Variants in MMP19 observed in about 807,000 individuals in gnomAD.
The protein encoded by MMP19 is matrix metallopeptidase 19, also known as matrix metalloproteinase-19.
A neutral mutation model predicts 46.6 loss-of-function variants in MMP19; 47 were observed. The ratio of observed to expected loss-of-function variants is 1.01; its 90% CI spans 0.80 to 1.29. The LOEUF (loss-of-function observed/expected upper bound fraction) is 1.29. MMP19 is among the 50% of genes most tolerant of loss of function. The probability of loss-of-function intolerance (pLI) is 0.00; values close to 1 mark genes in which losing one functional copy is unlikely to be tolerated. For synonymous variants in MMP19, 222 were observed against 248.5 expected (o/e 0.89, Z 1.00); for missense variants, 589 against 643.5 (o/e 0.92, Z 0.92).
At chr12:55,839,910 G>C (rs1881561671) in intron 4 of MMP19, 169 bp from the exon 5 acceptor site, 3 of 908,046 alleles carry the variant, frequency 3.3e-6, no homozygotes, top group Non-Finnish European at 3.2e-6. Flanking sequence ...TCATCACCCA[G>C]TTCTCTCAGG....
chr12:55,841,925 G>A (rs1168652184), intron 2 of MMP19, among the ~76,000 whole-genome samples: 1 of 152,086 alleles, frequency 6.6e-6, no homozygotes, highest in Non-Finnish European at 1.5e-5. Flanking sequence ...CTTTTCAAGG[G>A]ACCTGAACAT....
intron 6 of MMP19, 106 bp downstream of exon 6, chr12:55,838,500 C>T (rs1187917433): frequency 6.2e-7 from 1 of 1,608,452 alleles, no homozygotes; most frequent in South Asian, 1.1e-5. Flanking sequence ...GGGGTCTAAC[C>T]TCCATTGCTC....
Position 55,838,706 on chromosome 12 carries a change from C to G in MMP19, c.795G>C (p.Glu265Asp). 2.5e-6 allele frequency: 4 copies of G among 1,608,800 alleles called. No homozygotes were observed. The highest frequency in any genetic ancestry group is 3.4e-6 in the Non-Finnish European group (4 of 1,176,860). Residue 265 changes from glutamate to aspartate, a missense_variant, in exon 6 of 9, where the codon GAG (glutamate) becomes GAC (aspartate). Coordinates refer to ENST00000322569, the MANE Select transcript of MMP19 (RefSeq NM_002429.6). ...YGKKSPVIRD[E>D]EEEETELPTV... ...TGGGCAGCTCTGTCTCTTCTTCTTC[C>G]TCATCCCTTATCACTGGACTCTTCT...
chr12:55,836,826 T>C lies in MMP19; in HGVS notation c.*210A>G. 1 of 475,240 alleles carries C rather than the reference T, an allele frequency of 2.1e-6. No homozygotes were observed. The highest frequency in any genetic ancestry group is 3.7e-6 in the Non-Finnish European group (1 of 270,620). 29.4% of individuals were successfully genotyped at this position (475,240 alleles called of 1,614,324 possible). A position where few individuals can be genotyped will look rare whatever the true frequency, so the allele number is the denominator to read the frequency against. ...GAGTTAGGGGAGCACTTCTCAGGAG[T>C]GAAAATGCACAGGAAAGTGGTGGCT... On this transcript the variant is annotated 3_prime_UTR_variant, in exon 9 of 9. Coordinates refer to ENST00000322569, the MANE Select transcript of MMP19 (RefSeq NM_002429.6).
At position 55,842,233 on chromosome 12, in the gene MMP19, T is replaced by C. The variant is rs1881746561; in HGVS notation, c.173+120A>G. Reference sequence around the variant, plus strand: ...CCACCATAATAATGATCGCCACCCATCTCTAAATCCCTGGCATGGTTTAGG... The same window carrying C: ...CCACCATAATAATGATCGCCACCCACCTCTAAATCCCTGGCATGGTTTAGG... On this transcript the variant is annotated intron_variant, in intron 2 of 8. Transcript: ENST00000322569. The C allele has an allele frequency of 3.9e-6, 3 of 773,930 alleles. No homozygotes were observed. The South Asian group carries it at 4.7e-5, about 12-fold the overall frequency. The allele number at this position is 773,930 out of a possible 1,614,324, so 47.9% of individuals were successfully genotyped here. A position where few individuals can be genotyped will look rare whatever the true frequency, so the allele number is the denominator to read the frequency against.
rs1555177201 is a variant in MMP19, at chr12:55,841,542, C to CCTTCCTTT, written c.174-307_174-306insAAAGGAAG. 7.2e-4 allele frequency: 188 copies of CCTTCCTTT among 262,544 alleles called. 2 individuals are homozygous for CCTTCCTTT. The highest frequency in any genetic ancestry group is 4.0e-3 in the African/African-American group (182 of 45,736). The allele number at this position is 262,544 out of a possible 1,614,324, so 16.3% of individuals were successfully genotyped here. A position where few individuals can be genotyped will look rare whatever the true frequency, so the allele number is the denominator to read the frequency against. Reference sequence around the variant, plus strand: ...TCCTTCCTTCCTTCCTTCCTTCCTTCCTTCCTTCCTTCCTTTCTTTTTCTT... The same window carrying CCTTCCTTT: ...TCCTTCCTTCCTTCCTTCCTTCCTTCCTTCCTTTCTTCCTTCCTTCCTTTCTTTTTCTT... On this transcript the variant is annotated intron_variant, in intron 2 of 8. Coordinates refer to ENST00000322569, the MANE Select transcript of MMP19 (RefSeq NM_002429.6).
intron 2 of MMP19, among the ~76,000 whole-genome samples, chr12:55,842,021 A>G (rs1436600328): frequency 1.3e-5 from 2 of 152,264 alleles, no homozygotes; most frequent in Admixed American, 6.5e-5. Context: ...TTGAAGGCCC[A>G]CAAAAGGTAA....
Position 55,839,584 on chromosome 12 carries a change from G to A in MMP19, c.678C>T (p.Ser226=). The A allele has an allele frequency of 6.2e-7, 1 of 1,614,220 alleles. No individual in the cohort carries two copies. Among genetic ancestry groups the A allele is most frequent in the South Asian group, 1.1e-5 (1 of 91,088 alleles). The stretch of plus-strand genomic sequence containing the variant: ...CGTAGACTGGGGCCATGAGGGCCTG[G>A]GAATATCGGGAGTGCCCAAGCCCCA... ...HALGLGHSRY[S]QALMAPVYEG... is the part of the protein sequence containing the mutation. The change falls in exon 5 of 9, where the codon TCC becomes TCT. Residue 226 remains serine, a synonymous_variant. Coordinates refer to ENST00000322569, the MANE Select transcript of MMP19 (RefSeq NM_002429.6).
At chr12:55,840,641 G>A in intron 4 of MMP19, 26 bp downstream of exon 4, 1 of 1,600,872 alleles carries the variant, frequency 6.2e-7, no homozygotes, top group Non-Finnish European at 8.5e-7. Flanking sequence ...AGGTCTATGA[G>A]GTGGGAACTG....
intron 2 of MMP19, among the ~76,000 whole-genome samples, chr12:55,841,910 A>G (rs920895038): frequency 6.6e-6 from 1 of 152,212 alleles, no homozygotes; most frequent in African/African-American, 2.4e-5. Flanking sequence ...CATAGGGCCT[A>G]GGGGCTTTTC....
In MMP19 at chr12:55,838,572, C is replaced by A. The variant is rs769713187; in HGVS notation, c.895+34G>T. 1.2e-5 allele frequency: 19 copies of A among 1,613,978 alleles called. 1 individual carries two copies. In the South Asian group the frequency reaches 2.1e-4, roughly 18 times the overall value. On this transcript the variant is annotated intron_variant, in intron 6 of 8. Transcript: ENST00000322569. ...CTCAGGATCAGCAGGCTGCCCCCAC[C>A]GCCTGCCAACAGCCTGGAGGGGAGG...
In MMP19 at chr12:55,841,051, C is replaced by T. The variant is rs201744129; in HGVS notation, c.304+55G>A. 3,660 of 1,596,320 alleles carry T rather than the reference C, an allele frequency of 2.3e-3. 12 individuals carry two copies. Among genetic ancestry groups the T allele is most frequent in the Non-Finnish European group, 2.7e-3 (3,135 of 1,167,984 alleles). ...CCAGACTGTCCTAATGCCACCCACA[C>T]GCCAGAACCACATCACCCCCTCCTC... On this transcript the variant is annotated intron_variant, in intron 3 of 8. Coordinates refer to ENST00000322569, the MANE Select transcript of MMP19 (RefSeq NM_002429.6).
intron 6 of MMP19, 80 bp downstream of exon 6, chr12:55,838,526 G>T: frequency 3.1e-6 from 5 of 1,612,422 alleles, no homozygotes; most frequent in Non-Finnish European, 4.2e-6. Flanking sequence ...GAAGTCCCAT[G>T]TCACTCCCAT....
rs1398638755 is a variant in MMP19 at position 55,841,118 on chromosome 12, ATTTAAGGG to A, written c.284_291del (p.Thr95IlefsTer56). On this transcript the variant is annotated frameshift_variant, in exon 3 of 9. Transcript: ENST00000322569. LOFTEE classifies it high-confidence loss of function. ...GCTCTGTTCTCACCCAGCAACAGGT[ATTTAAGGG>A]TCTTCTGGTTGAAGGGATCCTCTAG... is the stretch of plus-strand genomic sequence containing the variant. 1 of 1,612,692 alleles carries A rather than the reference ATTTAAGGG, an allele frequency of 6.2e-7. No individual in the cohort carries two copies. Among genetic ancestry groups the A allele is most frequent in the East Asian group, 2.2e-5 (1 of 44,858 alleles).
Position 55,837,245 on chromosome 12 carries a change from C to A in MMP19, c.1318G>T (p.Val440Phe). ...TAGACTTTGCCCTTGAAGAAGTAGA[C>A]TCGGCCATCTTGCCAACTCATAGCA... Reference protein sequence around the residue: ...SAAMSWQDGRVYFFKGKVYWR... With the variant: ...SAAMSWQDGRFYFFKGKVYWR... The change falls in exon 9 of 9, where the codon GTC (valine) becomes TTC (phenylalanine). Residue 440 changes from valine to phenylalanine, a missense_variant. By Grantham distance (50) the Val-to-Phe change is conservative. Transcript: ENST00000322569. 1 of 1,614,196 alleles carries A rather than the reference C, an allele frequency of 6.2e-7. No homozygotes were observed. The highest frequency in any genetic ancestry group is 8.5e-7 in the Non-Finnish European group (1 of 1,180,042).
intron 3 of MMP19, 79 bp downstream of exon 3, chr12:55,841,027 C>T: frequency 1.3e-6 from 2 of 1,580,342 alleles, no homozygotes; most frequent in South Asian, 1.1e-5. Flanking sequence ...TGAGCTGGTC[C>T]AGACTGTCCT....
intron 7 of MMP19, 29 bp downstream of exon 7, chr12:55,837,814 A>G: frequency 1.3e-6 from 2 of 1,594,792 alleles, no homozygotes; most frequent in Non-Finnish European, 1.7e-6. Flanking sequence ...GGCCCTCCTC[A>G]AGTAAGACAC....
rs779833903 is a variant in MMP19 at position 55,837,944 on chromosome 12, G to A, written c.959C>T (p.Pro320Leu). 24 of 1,612,528 alleles carry A rather than the reference G, an allele frequency of 1.5e-5. No homozygotes were observed. Among genetic ancestry groups the A allele is most frequent in the Non-Finnish European group, 1.9e-5 (22 of 1,178,854 alleles). ...DYVWTVSDSG[P>L]GPLFRVSALW... ...GGCAGACACTCGGAACAAGGGGCCC[G>A]GTCCTGAATCTGATACAGTCCACAC... Residue 320 changes from proline to leucine, a missense_variant, in exon 7 of 9, where the codon CCG becomes CTG. Coordinates refer to ENST00000322569, the MANE Select transcript of MMP19 (RefSeq NM_002429.6).
rs953548460 is a variant in MMP19 at position 55,842,932 on chromosome 12, G to T, written c.-102C>A. 5.7e-6 allele frequency: 5 copies of T among 870,372 alleles called. No homozygotes were observed. The highest frequency in any genetic ancestry group is 5.5e-6 in the Non-Finnish European group (3 of 549,418). The allele number at this position is 870,372 out of a possible 1,614,324, so 53.9% of individuals were successfully genotyped here. On this transcript the variant is annotated 5_prime_UTR_variant, in exon 1 of 9. In the 5' UTR this introduces an upstream ATG that the reference lacks. Coordinates refer to ENST00000322569, the MANE Select transcript of MMP19 (RefSeq NM_002429.6). The stretch of plus-strand genomic sequence containing the variant: ...CTAGGCAGAGGGGCTCTTACCCCCA[G>T]TTCTTTTTACTCTCCAGCCTCTAGT...
Sources: allele counts gnomAD v4.1 joint callset (sites outside exome capture counted in the v4.1 genomes callset), GRCh38; gene constraint gnomAD v4.1.1; transcripts MANE v1.5; gene names NCBI Gene and HGNC (gene_info 2026-07-23, HGNC 2026-07-21).